NOX5: variants seen among roughly 807,000 people sequenced by gnomAD.
NOX5 encodes NADPH oxidase, EF-hand calcium binding domain 5.
NOX5 carries 76 observed loss-of-function variants against 85.7 expected under a neutral mutation model. That is an observed-to-expected ratio of 0.89 (90% CI 0.74 to 1.07). NOX5 has a LOEUF of 1.07. Among genes scored for constraint, NOX5 ranks in the 50% least tolerant of loss-of-function variants. The pLI is 0.00. For missense variants in NOX5, 973 were observed against 999.5 expected, an observed-to-expected ratio of 0.97 and a Z score of 0.36; for synonymous variants, 405 against 401.4, an observed-to-expected ratio of 1.01 and a Z score of -0.11.
At chr15:69,033,676 GTT>G (rs113163030) in intron 5 of NOX5, among the ~76,000 whole-genome samples, 1 of 135,034 alleles carries the variant, frequency 7.4e-6, no homozygotes, top group Non-Finnish European at 1.6e-5. Context: ...TCTAAGAGGT[GTT>G]TTTTTTTTTC....
rs575565355 is a variant in NOX5, at chr15:69,053,186, C to CT, written c.2000-2147dup. ...ATAGCTTAAGCGTCAATTATTCTGT[C>CT]TAAGTTTGTATCTTTACTCTACCCT... On this transcript the variant is annotated intron_variant, in intron 14 of 15. Coordinates refer to ENST00000388866, the MANE Select transcript of NOX5 (RefSeq NM_024505.4). 5.6e-4 allele frequency among the ~76,000 whole-genome samples: 86 copies of CT among 152,278 alleles called. 1 individual carries two copies. The South Asian group carries it at 0.01, about 18-fold the overall frequency.
chr15:69,039,094 A>G, intron 9 of NOX5, 105 bp downstream of exon 9: 1 of 1,303,000 alleles, frequency 7.7e-7, no homozygotes, highest in South Asian at 1.3e-5. Flanking sequence ...AAGGCCAGAA[A>G]CACAAAGTCA....
chr15:69,055,631 C>A (rs1012335301), intron 15 of NOX5, 131 bp downstream of exon 15: 1 of 971,532 alleles, frequency 1.0e-6, no homozygotes, highest in Non-Finnish European at 1.5e-6. Flanking sequence ...GAAGGGACCT[C>A]GTGGTGTGAA....
chr15:69,020,275 T>C (rs766503330), intron 1 of NOX5, among the ~76,000 whole-genome samples: 4 of 152,236 alleles, frequency 2.6e-5, no homozygotes, highest in Non-Finnish European at 5.9e-5. Context: ...TGTTGTCTTC[T>C]GTCATGCAGA....
chr15:69,022,988 C>T, intron 1 of NOX5: 4 of 510,906 alleles, frequency 7.8e-6, no homozygotes, highest in Middle Eastern at 3.2e-4. Flanking sequence ...TTGATAGCCT[C>T]ACCTTAATGG....
rs1036566542 is a variant in NOX5, at chr15:69,048,008, A to T, written c.1899+97A>T. ...CTCCTGTGCAAAGGTGGGAGCGGAT[A>T]GGTGATCCCTAATGGGATCTTTCTT... On this transcript the variant is annotated intron_variant, in intron 13 of 15. Coordinates refer to ENST00000388866, the MANE Select transcript of NOX5 (RefSeq NM_024505.4). 6 of 1,031,682 alleles carry T rather than the reference A, an allele frequency of 5.8e-6. No homozygotes were observed. In the African/African-American group the frequency reaches 9.5e-5, roughly 16 times the overall value. 63.9% of individuals were successfully genotyped at this position (1,031,682 alleles called of 1,614,324 possible). A position where few individuals can be genotyped will look rare whatever the true frequency, so the allele number is the denominator to read the frequency against.
In NOX5 at chr15:69,040,464, GCT is replaced by G. The variant is rs2050579734; in HGVS notation, c.1504+1477_1504+1478del. ...AGATGGAGAGATTTTGTATACATGG[GCT>G]CACACTACAGGCAGTGTTTCATAGC... is the stretch of plus-strand genomic sequence containing the variant. On this transcript the variant is annotated intron_variant, in intron 9 of 15. Transcript: ENST00000388866. 6.6e-5 allele frequency among the ~76,000 whole-genome samples: 10 copies of G among 152,194 alleles called. No individual in the cohort carries two copies. In the South Asian group the frequency reaches 2.1e-3, roughly 32 times the overall value.
chr15:69,033,479 T>C (rs776904642), intron 5 of NOX5, among the ~76,000 whole-genome samples: 12 of 152,092 alleles, frequency 7.9e-5, no homozygotes, highest in Non-Finnish European at 1.8e-4. Context: ...AGCCAGTAAA[T>C]AATAACATAA....
chr15:69,025,210 T>C (rs2050341927), intron 1 of NOX5, among the ~76,000 whole-genome samples: 1 of 152,186 alleles, frequency 6.6e-6, no homozygotes, highest in Non-Finnish European at 1.5e-5. Context: ...TATGTATTGT[T>C]GATTCGTTGA....
chr15:69,015,183 C>A lies in NOX5; in HGVS notation c.50+398C>A, dbSNP rs311884. Among the ~76,000 whole-genome samples the A allele has an allele frequency of 3.0e-3, 453 of 152,254 alleles. 1 individual carries two copies. The highest frequency in any genetic ancestry group is 0.01 in the African/African-American group (431 of 41,528). On this transcript the variant is annotated intron_variant, in intron 1 of 15. Transcript: ENST00000388866. Reference sequence around the variant, plus strand: ...CTGGTCTCCTGGGGTAAATTCTGGCCTCTGGTGAGCACATTGTTCCCCTTG... The same window carrying A: ...CTGGTCTCCTGGGGTAAATTCTGGCATCTGGTGAGCACATTGTTCCCCTTG...
intron 2 of NOX5, among the ~76,000 whole-genome samples, chr15:69,027,545 C>T (rs1044666804): frequency 1.6e-4 from 25 of 152,096 alleles, no homozygotes; most frequent in African/African-American, 5.3e-4. Flanking sequence ...CCTCCCCCTG[C>T]CTTGAGGGGA....
At chr15:69,035,606 G>A (rs2050504773) in intron 6 of NOX5, 99 bp downstream of exon 6, 1 of 1,554,978 alleles carries the variant, frequency 6.4e-7, no homozygotes. Context: ...TGCCCAAAGG[G>A]CAGAGAAGGG....
At chr15:69,053,528 A>G (rs1448745098) in intron 14 of NOX5, among the ~76,000 whole-genome samples, 2 of 152,242 alleles carry the variant, frequency 1.3e-5, no homozygotes, top group African/African-American at 4.8e-5. Context: ...GTTATACCGT[A>G]AATTATTTAA....
chr15:69,036,490 C>G (rs2050518061), intron 7 of NOX5, among the ~76,000 whole-genome samples: 1 of 152,162 alleles, frequency 6.6e-6, no homozygotes, highest in African/African-American at 2.4e-5. Context: ...TATCTTGTGG[C>G]CTGACCACAT....
chr15:69,028,000 G>A (rs553907701), intron 2 of NOX5, among the ~76,000 whole-genome samples: 2 of 152,284 alleles, frequency 1.3e-5, no homozygotes, highest in East Asian at 1.9e-4. Flanking sequence ...GGGGCCTGAA[G>A]TCCAAACCAA....
At position 69,056,707 on chromosome 15, in the gene NOX5, C is replaced by T. The variant is rs990903323; in HGVS notation, c.*11C>T. The T allele has an allele frequency of 5.6e-6, 9 of 1,612,902 alleles. No homozygotes were observed. The African/African-American group carries it at 1.2e-4, about 22-fold the overall frequency. On this transcript the variant is annotated 3_prime_UTR_variant, in exon 16 of 16. Coordinates refer to ENST00000388866, the MANE Select transcript of NOX5 (RefSeq NM_024505.4). ...CAAGAGAATTTCTAGCCTCACCTCT[C>T]CAAGCTCTGCCCCAAGTCCACACCA...
Position 69,032,969 on chromosome 15 carries a change from G to A in NOX5, c.621-74G>A, listed in dbSNP as rs1005155162. ...AGACTTGGTCGGCCATAGCTTGAAG[G>A]GGGTCTTTAAGTTAAGACACAGGTG... On this transcript the variant is annotated intron_variant, in intron 4 of 15. Transcript: ENST00000388866. 4.0e-6 allele frequency: 6 copies of A among 1,507,200 alleles called. No homozygotes were observed. In the Admixed American group the frequency reaches 7.6e-5, roughly 19 times the overall value. The allele number at this position is 1,507,200 out of a possible 1,614,324, so 93.4% of individuals were successfully genotyped here. A position where few individuals can be genotyped will look rare whatever the true frequency, so the allele number is the denominator to read the frequency against.
chr15:69,052,283 C>A (rs190750216), intron 14 of NOX5, among the ~76,000 whole-genome samples: 1 of 152,056 alleles, frequency 6.6e-6, no homozygotes, highest in East Asian at 1.9e-4. Context: ...TCCCTCCTCA[C>A]TGCCTAAGTG....
At chr15:69,032,569 C>A (rs1174498667) in intron 4 of NOX5, among the ~76,000 whole-genome samples, 1 of 152,076 alleles carries the variant, frequency 6.6e-6, no homozygotes, top group Non-Finnish European at 1.5e-5. Context: ...AGCCACCACG[C>A]CCAGCTAGTT....
Sources: allele counts gnomAD v4.1 joint callset (sites outside exome capture counted in the v4.1 genomes callset), GRCh38; gene constraint gnomAD v4.1.1; transcripts MANE v1.5; gene names NCBI Gene and HGNC (gene_info 2026-07-23, HGNC 2026-07-21).